The following MED27 variants were observed in gnomAD, a reference collection of about 807,000 sequenced individuals.
MED27 encodes the protein mediator complex subunit 27, also known as mediator of RNA polymerase II transcription subunit 27.
A neutral mutation model predicts 38.2 loss-of-function variants in MED27; 30 were observed. The observed-to-expected ratio is 0.79, with a 90% CI of 0.59 to 1.07. MED27 has a LOEUF of 1.07. Ranked by LOEUF, MED27 falls within the 50% of genes least tolerant of loss-of-function variation. The probability of loss-of-function intolerance (pLI) is 0.00; values close to 1 mark genes in which losing one functional copy is unlikely to be tolerated. For missense variants in MED27, 289 were observed against 397.5 expected, an observed-to-expected ratio of 0.73 and a Z score of 2.32; for synonymous variants, 122 against 153.5, an observed-to-expected ratio of 0.79 and a Z score of 1.52.
At chr9:131,964,101 C>G (rs1831281153) in intron 3 of MED27, among the ~76,000 whole-genome samples, 1 of 151,838 alleles carries the variant, frequency 6.6e-6, no homozygotes, top group African/African-American at 2.4e-5. Flanking sequence ...AATATGGGCT[C>G]CAGTGAACCT....
intron 4 of MED27, among the ~76,000 whole-genome samples, chr9:131,911,916 A>G (rs535698890): frequency 6.6e-6 from 1 of 152,250 alleles, no homozygotes; most frequent in African/African-American, 2.4e-5. Context: ...CTCCTGGTCA[A>G]ACACAGACAT....
intron 3 of MED27, among the ~76,000 whole-genome samples, chr9:131,958,136 TA>T (rs1831143182): frequency 6.6e-6 from 1 of 152,162 alleles, no homozygotes; most frequent in Non-Finnish European, 1.5e-5. Context: ...TGGTATATTT[TA>T]TTTTATGTAA....
Position 131,881,800 on chromosome 9 carries a change from C to CTTTTTTTTTTTTTTTTTTTTTTTT in MED27, c.723+2234_723+2257dup, listed in dbSNP as rs61624043. ...CCTCCCTCCCTTCCTTCTTCTTCTT[C>CTTTTTTTTTTTTTTTTTTTTTTTT]TTTTTTTTTTTTTTTTTTTTTTTTG... On this transcript the variant is annotated intron_variant, in intron 6 of 7. Transcript: ENST00000292035. Among the ~76,000 whole-genome samples, 9 of 60,964 alleles carry CTTTTTTTTTTTTTTTTTTTTTTTT rather than the reference C, an allele frequency of 1.5e-4. 1 individual carries two copies. Among genetic ancestry groups the CTTTTTTTTTTTTTTTTTTTTTTTT allele is most frequent in the Admixed American group, 2.5e-4 (1 of 3,984 alleles). The allele number at this position is 60,964 out of a possible 152,430, so 40.0% of individuals were successfully genotyped here.
intron 4 of MED27, among the ~76,000 whole-genome samples, chr9:131,923,975 G>C (rs1483250317): frequency 6.6e-6 from 1 of 152,182 alleles, no homozygotes; most frequent in Admixed American, 6.5e-5. Context: ...GGAAAAAAAA[G>C]TGATGTGGCT....
chr9:132,026,225 GA>G (rs1415902029), intron 2 of MED27, among the ~76,000 whole-genome samples: 1 of 152,206 alleles, frequency 6.6e-6, no homozygotes, highest in Non-Finnish European at 1.5e-5. Context: ...CCATCCAGAG[GA>G]AGAGCCCAGA....
chr9:132,019,025 A>G (rs1832664814), intron 2 of MED27, among the ~76,000 whole-genome samples: 1 of 152,192 alleles, frequency 6.6e-6, no homozygotes, highest in Non-Finnish European at 1.5e-5. Flanking sequence ...GGAGGGCAGA[A>G]GAGATCAAGG....
At chr9:131,911,379 C>G (rs1830184152) in intron 4 of MED27, among the ~76,000 whole-genome samples, 1 of 152,224 alleles carries the variant, frequency 6.6e-6, no homozygotes, top group Non-Finnish European at 1.5e-5. Context: ...CAAACTGCAG[C>G]TTCATCCCTC....
At chr9:131,922,862 T>G (rs1011044037) in intron 4 of MED27, among the ~76,000 whole-genome samples, 1 of 151,968 alleles carries the variant, frequency 6.6e-6, no homozygotes. Context: ...GATCCACCAT[T>G]CTCGGCCTCC....
chr9:131,943,763 T>C (rs1409956570), intron 3 of MED27, among the ~76,000 whole-genome samples: 1 of 152,190 alleles, frequency 6.6e-6, no homozygotes, highest in East Asian at 1.9e-4. Context: ...AAGACTGCTG[T>C]TCCTATTTAC....
chr9:131,939,637 T>G (rs1564290927), intron 3 of MED27, among the ~76,000 whole-genome samples, 163 bp from the exon 4 acceptor site: 1 of 152,246 alleles, frequency 6.6e-6, no homozygotes, highest in Non-Finnish European at 1.5e-5. Context: ...TACCTCTGTA[T>G]GTCCAGATAA....
intron 3 of MED27, among the ~76,000 whole-genome samples, chr9:131,977,756 T>C (rs951114390): frequency 6.6e-6 from 1 of 152,176 alleles, no homozygotes; most frequent in African/African-American, 2.4e-5. Context: ...AGAAAATAAG[T>C]AAATTGGTCA....
chr9:131,989,785 A>C (rs1298249175), intron 3 of MED27, among the ~76,000 whole-genome samples: 1 of 152,040 alleles, frequency 6.6e-6, no homozygotes, highest in African/African-American at 2.4e-5. Flanking sequence ...CATACTTAAA[A>C]AAAAAAAAAG....
intron 3 of MED27, among the ~76,000 whole-genome samples, chr9:131,939,771 T>C (rs1198236668): frequency 6.6e-6 from 1 of 152,144 alleles, no homozygotes; most frequent in Admixed American, 6.5e-5. Context: ...CATGGCCCCC[T>C]CCCTTTGTCC....
At chr9:132,043,240 A>G (rs191655984) in intron 2 of MED27, among the ~76,000 whole-genome samples, 3 of 152,084 alleles carry the variant, frequency 2.0e-5, no homozygotes, top group African/African-American at 7.2e-5. Flanking sequence ...TTTGGGTGCT[A>G]GCATCACAGT....
intron 4 of MED27, among the ~76,000 whole-genome samples, chr9:131,901,156 A>T (rs1351886160): frequency 1.3e-5 from 2 of 152,230 alleles, no homozygotes; most frequent in East Asian, 3.9e-4. Context: ...GCTGGCGGGC[A>T]CACCCAAAGG....
intron 4 of MED27, among the ~76,000 whole-genome samples, chr9:131,900,902 T>A (rs1279224529): frequency 6.7e-6 from 1 of 148,180 alleles, no homozygotes; most frequent in Non-Finnish European, 1.5e-5. Context: ...TTTTTCCAAG[T>A]ACAGCAGAAA....
intron 3 of MED27, among the ~76,000 whole-genome samples, chr9:131,953,867 A>G (rs1831045360): frequency 7.0e-6 from 1 of 143,490 alleles, no homozygotes; most frequent in African/African-American, 2.6e-5. Context: ...CCCAGGCTGG[A>G]GTGCCAGTGG....
At chr9:131,974,348 G>A (rs963193583) in intron 3 of MED27, among the ~76,000 whole-genome samples, 4 of 152,192 alleles carry the variant, frequency 2.6e-5, no homozygotes, top group African/African-American at 7.2e-5. Context: ...CAGGCTTAAC[G>A]GATATACAGA....
At chr9:132,044,829 C>A (rs1833296039) in intron 2 of MED27, among the ~76,000 whole-genome samples, 1 of 152,054 alleles carries the variant, frequency 6.6e-6, no homozygotes, top group Non-Finnish European at 1.5e-5. Context: ...TCATTCAAGT[C>A]AAAAATGAAA....
Sources: gnomAD v4.1 joint callset for allele counts (sites outside exome capture counted in the v4.1 genomes callset) on GRCh38, gnomAD v4.1.1 for gene constraint, MANE v1.5 for transcripts, NCBI Gene and HGNC (gene_info 2026-07-23, HGNC 2026-07-21) for gene names.